FGF10: variants seen among roughly 807,000 people sequenced by gnomAD.
FGF10 encodes the protein FGF-10.
FGF10 carries 2 observed loss-of-function variants against 19.8 expected under a neutral mutation model. The observed-to-expected ratio is 0.10, with a 90% CI of 0.04 to 0.32. FGF10 has a LOEUF of 0.32. Among genes scored for constraint, FGF10 ranks in the 10% least tolerant of loss-of-function variants. The pLI is 1.00. For synonymous variants in FGF10, 112 were observed against 94.0 expected, an observed-to-expected ratio of 1.19 and a Z score of -1.10; for missense variants, 191 against 246.3, an observed-to-expected ratio of 0.78 and a Z score of 1.50.
chr5:44,311,423 GA>G lies in FGF10; in HGVS notation c.326-894del, dbSNP rs112522066. Among the ~76,000 whole-genome samples, 15 of 152,204 alleles carry G rather than the reference GA, an allele frequency of 9.9e-5. 3 individuals are homozygous for G. The highest frequency in any genetic ancestry group is 3.4e-4 in the African/African-American group (14 of 41,556). ...CTCTCAGCAGTTTGTTCAGGGTAGA[GA>G]AGTAGCATCGTGATTAGCATGTGGC... On this transcript the variant is annotated intron_variant, in intron 1 of 2. Transcript: ENST00000264664.
chr5:44,309,377 A>G (rs1285990732), intron 2 of FGF10, among the ~76,000 whole-genome samples: 3 of 152,176 alleles, frequency 2.0e-5, no homozygotes, highest in Non-Finnish European at 4.4e-5. Flanking sequence ...TTCAAATGAC[A>G]GCTAAGAGAT....
At chr5:44,362,025 G>A (rs1263902879) in intron 1 of FGF10, among the ~76,000 whole-genome samples, 1 of 151,468 alleles carries the variant, frequency 6.6e-6, no homozygotes, top group Admixed American at 6.6e-5. Context: ...AAGATCCCTT[G>A]AAGAGACTAT....
chr5:44,328,533 G>T (rs2111750145), intron 1 of FGF10, among the ~76,000 whole-genome samples: 1 of 152,258 alleles, frequency 6.6e-6, no homozygotes, highest in African/African-American at 2.4e-5. Flanking sequence ...CAATGCAGGA[G>T]GATTGCTTGA....
intron 1 of FGF10, among the ~76,000 whole-genome samples, chr5:44,372,503 T>C (rs923922881): frequency 2.6e-5 from 4 of 152,166 alleles, no homozygotes; most frequent in Non-Finnish European, 5.9e-5. Context: ...GATTACAGCC[T>C]GATATTTTTG....
At chr5:44,343,060 T>C (rs1295660174) in intron 1 of FGF10, among the ~76,000 whole-genome samples, 1 of 151,976 alleles carries the variant, frequency 6.6e-6, no homozygotes, top group Non-Finnish European at 1.5e-5. Context: ...TGCCCTTACA[T>C]GAACAAATAA....
chr5:44,376,994 C>T (rs1741881656), intron 1 of FGF10, among the ~76,000 whole-genome samples: 1 of 152,178 alleles, frequency 6.6e-6, no homozygotes, highest in Non-Finnish European at 1.5e-5. Flanking sequence ...TTCCCTCTCA[C>T]ATGATACCAC....
At chr5:44,365,135 T>C (rs1039364946) in intron 1 of FGF10, among the ~76,000 whole-genome samples, 1 of 151,720 alleles carries the variant, frequency 6.6e-6, no homozygotes, top group Admixed American at 6.6e-5. Flanking sequence ...TGGAGAGAGA[T>C]TGAAGTGACC....
chr5:44,346,404 C>T (rs1432427867), intron 1 of FGF10, among the ~76,000 whole-genome samples: 1 of 151,690 alleles, frequency 6.6e-6, no homozygotes, highest in Non-Finnish European at 1.5e-5. Context: ...CACTAGCTTC[C>T]CAAATTAACA....
intron 1 of FGF10, among the ~76,000 whole-genome samples, chr5:44,354,963 T>C (rs1741314547): frequency 6.6e-6 from 1 of 151,526 alleles, no homozygotes; most frequent in African/African-American, 2.4e-5. Context: ...GTTCCCTTTT[T>C]CATTCATCAG....
intron 1 of FGF10, among the ~76,000 whole-genome samples, chr5:44,385,385 A>G (rs879635568): frequency 5.9e-5 from 9 of 152,164 alleles, no homozygotes; most frequent in Non-Finnish European, 7.4e-5. Flanking sequence ...ATGATTTTGC[A>G]ATACTTATGA....
intron 1 of FGF10, among the ~76,000 whole-genome samples, chr5:44,348,276 A>G (rs1741132216): frequency 6.6e-6 from 1 of 151,698 alleles, no homozygotes; most frequent in African/African-American, 2.4e-5. Context: ...CACTGGCAAT[A>G]GTAGGATGAA....
chr5:44,379,041 C>T (rs1376170769), intron 1 of FGF10, among the ~76,000 whole-genome samples: 1 of 152,068 alleles, frequency 6.6e-6, no homozygotes, highest in Non-Finnish European at 1.5e-5. Context: ...TTTGCAGTTC[C>T]CTTCTCACCT....
At chr5:44,370,091 A>T (rs1050696712) in intron 1 of FGF10, among the ~76,000 whole-genome samples, 1 of 152,100 alleles carries the variant, frequency 6.6e-6, no homozygotes, top group Non-Finnish European at 1.5e-5. Context: ...TTGAGCAAGC[A>T]CACTAGTTCA....
intron 1 of FGF10, among the ~76,000 whole-genome samples, chr5:44,336,381 G>T (rs918437716): frequency 1.3e-5 from 2 of 152,052 alleles, no homozygotes; most frequent in Non-Finnish European, 2.9e-5. Flanking sequence ...TTTGTGGTTT[G>T]ATTTCATAAT....
intron 1 of FGF10, among the ~76,000 whole-genome samples, chr5:44,344,568 C>CTGTGTGTGTGTGTGTGTGTGTGTGTGTG (rs1166640935): frequency 1.1e-4 from 14 of 126,790 alleles, no homozygotes; most frequent in African/African-American, 2.7e-4. Context: ...TTTGTTTTCT[C>CTGTGTGTGTGTGTGTGTGTGTGTGTGTG]TGTGTGTGTG....
rs930425475 is a variant in FGF10 at position 44,300,625 on chromosome 5, A to G, written c.*4370T>C. ...GTGAAGAATAATTGGAATTGGTGGG[A>G]AATATAGGAATAGAAAATGTTTTTA... On this transcript the variant is annotated 3_prime_UTR_variant, in exon 3 of 3. Coordinates refer to ENST00000264664, the MANE Select transcript of FGF10 (RefSeq NM_004465.2). Among the ~76,000 whole-genome samples the G allele has an allele frequency of 1.3e-5, 2 of 152,170 alleles. No homozygotes were observed. The highest frequency in any genetic ancestry group is 2.4e-5 in the African/African-American group (1 of 41,454).
chr5:44,347,059 T>C (rs923394775), intron 1 of FGF10, among the ~76,000 whole-genome samples: 1 of 151,778 alleles, frequency 6.6e-6, no homozygotes, highest in Admixed American at 6.6e-5. Flanking sequence ...TCTTTGTTGG[T>C]TTGCTTTCAT....
At chr5:44,357,943 A>G (rs964630201) in intron 1 of FGF10, among the ~76,000 whole-genome samples, 1 of 151,370 alleles carries the variant, frequency 6.6e-6, no homozygotes, top group African/African-American at 2.4e-5. Flanking sequence ...AACCCACCAC[A>G]TTATAAGATG....
intron 1 of FGF10, among the ~76,000 whole-genome samples, chr5:44,316,676 C>T (rs904004740): frequency 9.2e-5 from 14 of 152,088 alleles, no homozygotes; most frequent in African/African-American, 2.7e-4. Context: ...CAAGTAATAG[C>T]GGCAGCTTAA....
Sources: allele counts gnomAD v4.1 joint callset (sites outside exome capture counted in the v4.1 genomes callset), GRCh38; gene constraint gnomAD v4.1.1; transcripts MANE v1.5; gene names NCBI Gene and HGNC (gene_info 2026-07-23, HGNC 2026-07-21).